Variants in NEDD4L observed in about 807,000 individuals in gnomAD.
NEDD4L encodes E3 ubiquitin-protein ligase NEDD4-like.
In NEDD4L, 54 loss-of-function variants were observed where a neutral mutation model predicts 148.9. The ratio of observed to expected loss-of-function variants is 0.36; its 90% CI spans 0.29 to 0.45. The LOEUF (loss-of-function observed/expected upper bound fraction) is 0.45. Among genes scored for constraint, NEDD4L ranks in the 20% least tolerant of loss-of-function variants. NEDD4L has a pLI of 1.00. For missense variants in NEDD4L, 856 were observed against 1,233.8 expected, an observed-to-expected ratio of 0.69 and a Z score of 4.59; for synonymous variants, 433 against 440.7, an observed-to-expected ratio of 0.98 and a Z score of 0.22.
intron 5 of NEDD4L, among the ~76,000 whole-genome samples, chr18:58,300,971 C>T (rs1690575672): frequency 6.6e-6 from 1 of 152,186 alleles, no homozygotes; most frequent in Admixed American, 6.5e-5. Context: ...ATCTCATAAG[C>T]TCTGAGAATT....
At chr18:58,107,874 C>T (rs1008594963) in intron 1 of NEDD4L, among the ~76,000 whole-genome samples, 3 of 152,096 alleles carry the variant, frequency 2.0e-5, no homozygotes, top group East Asian at 1.9e-4. Flanking sequence ...GCCACTATGC[C>T]CAGCTAATTT....
intron 5 of NEDD4L, among the ~76,000 whole-genome samples, chr18:58,310,880 G>C (rs754867048): frequency 1.3e-5 from 2 of 152,204 alleles, no homozygotes; most frequent in African/African-American, 2.4e-5. Flanking sequence ...GTTAGAGGCA[G>C]CTGTGATGTT....
chr18:58,102,662 C>T (rs973364304), intron 1 of NEDD4L, among the ~76,000 whole-genome samples: 13 of 151,992 alleles, frequency 8.6e-5, no homozygotes, highest in Non-Finnish European at 1.3e-4. Flanking sequence ...ATGCAAATAA[C>T]GCAGTATCAC....
chr18:58,180,976 CAAATA>C (rs1307757927), intron 2 of NEDD4L, among the ~76,000 whole-genome samples: 1 of 152,156 alleles, frequency 6.6e-6, no homozygotes, highest in Admixed American at 6.5e-5. Flanking sequence ...TTGTTCTAGC[CAAATA>C]AAATGATAAC....
intron 16 of NEDD4L, among the ~76,000 whole-genome samples, chr18:58,347,744 G>A (rs12457509): frequency 0.32 from 48,295 of 152,034 alleles, 7,980 homozygotes; most frequent in Middle Eastern, 0.4. Context: ...CAAGAAGCAA[G>A]GGTTGATTTT....
intron 1 of NEDD4L, among the ~76,000 whole-genome samples, chr18:58,139,699 T>C (rs2033272134): frequency 6.6e-6 from 1 of 152,108 alleles, no homozygotes; most frequent in Non-Finnish European, 1.5e-5. Context: ...GCCATAGAAA[T>C]CTGGCCGAGC....
intron 2 of NEDD4L, among the ~76,000 whole-genome samples, chr18:58,235,394 C>G (rs1483955956): frequency 1.3e-5 from 2 of 152,128 alleles, no homozygotes; most frequent in African/African-American, 4.8e-5. Context: ...AAAGGGATAC[C>G]GTGTGCCTCT....
intron 2 of NEDD4L, among the ~76,000 whole-genome samples, chr18:58,233,003 A>G (rs949815114): frequency 6.6e-6 from 1 of 152,208 alleles, no homozygotes; most frequent in African/African-American, 2.4e-5. Context: ...TTCTAAGTCC[A>G]AAAAGCCCTG....
At chr18:58,162,880 A>C (rs370622887) in intron 1 of NEDD4L, among the ~76,000 whole-genome samples, 1 of 151,988 alleles carries the variant, frequency 6.6e-6, no homozygotes, top group African/African-American at 2.4e-5. Flanking sequence ...CTTGGGCAAC[A>C]TGGTGAAACC....
intron 26 of NEDD4L, among the ~76,000 whole-genome samples, chr18:58,386,302 C>T (rs1189877010): frequency 3.3e-5 from 5 of 152,050 alleles, no homozygotes; most frequent in Middle Eastern, 3.2e-3. Context: ...CCACCCGCCC[C>T]GGCCTCCCAA....
intron 2 of NEDD4L, among the ~76,000 whole-genome samples, chr18:58,199,011 C>G (rs1433549316): frequency 6.6e-6 from 1 of 152,144 alleles, no homozygotes; most frequent in African/African-American, 2.4e-5. Flanking sequence ...AGGCTGGTCT[C>G]GAACTCCTGA....
chr18:58,162,515 C>T (rs939385611), intron 1 of NEDD4L, among the ~76,000 whole-genome samples: 2 of 151,868 alleles, frequency 1.3e-5, no homozygotes, highest in Non-Finnish European at 2.9e-5. Flanking sequence ...CTTTTTCCCT[C>T]TCCCTCTACT....
chr18:58,350,275 A>G (rs1210109915), intron 17 of NEDD4L, among the ~76,000 whole-genome samples: 2 of 152,164 alleles, frequency 1.3e-5, no homozygotes, highest in South Asian at 4.1e-4. Flanking sequence ...GTTGCCTGGT[A>G]TATTAGGGCA....
intron 16 of NEDD4L, among the ~76,000 whole-genome samples, chr18:58,344,633 T>C (rs2042823065): frequency 6.6e-6 from 1 of 152,232 alleles, no homozygotes; most frequent in Non-Finnish European, 1.5e-5. Flanking sequence ...TTGACTCCCC[T>C]ACTAGTCTGA....
intron 1 of NEDD4L, among the ~76,000 whole-genome samples, chr18:58,109,561 G>GTTT (rs772954089): frequency 1.3e-4 from 18 of 135,944 alleles, no homozygotes; most frequent in African/African-American, 2.8e-4. Context: ...CAACTAGGAG[G>GTTT]TTTTTTTTTT....
At chr18:58,322,704 G>GGT (rs2058927145) in intron 7 of NEDD4L, among the ~76,000 whole-genome samples, 1 of 137,436 alleles carries the variant, frequency 7.3e-6, no homozygotes. Context: ...GCGTGCTGTG[G>GGT]ATATGGGTGG....
At position 58,192,534 on chromosome 18, in the gene NEDD4L, T is replaced by G. The variant is rs75550489; in HGVS notation, c.122+26673T>G. 6.8e-3 allele frequency among the ~76,000 whole-genome samples: 1,033 copies of G among 152,348 alleles called. 87 individuals are homozygous for G. The East Asian group carries it at 0.16, about 24-fold the overall frequency. On this transcript the variant is annotated intron_variant, in intron 2 of 30. Transcript: ENST00000400345. The stretch of plus-strand genomic sequence containing the variant: ...CTGACTCCTAGCTTCTCTAGTTTAG[T>G]GATTCACGTTAGCCTTTCAACAGTT...
intron 24 of NEDD4L, among the ~76,000 whole-genome samples, chr18:58,380,959 A>G (rs1431326593): frequency 6.6e-6 from 1 of 152,222 alleles, no homozygotes; most frequent in Non-Finnish European, 1.5e-5. Context: ...GACGTGCCAT[A>G]TATTTTTAAC....
intron 1 of NEDD4L, among the ~76,000 whole-genome samples, chr18:58,067,399 A>G (rs1433101805): frequency 6.6e-6 from 1 of 152,206 alleles, no homozygotes; most frequent in Non-Finnish European, 1.5e-5. Context: ...CCACTCAGCT[A>G]TCTGATATCC....
Sources: gnomAD v4.1 joint callset for allele counts (sites outside exome capture counted in the v4.1 genomes callset) on GRCh38, gnomAD v4.1.1 for gene constraint, MANE v1.5 for transcripts, NCBI Gene and HGNC (gene_info 2026-07-23, HGNC 2026-07-21) for gene names.